Variants in LRRC4C observed in about 807,000 individuals in gnomAD.
LRRC4C encodes leucine-rich repeat-containing protein 4C.
LRRC4C carries 5 observed loss-of-function variants against 33.6 expected under a neutral mutation model. The ratio of observed to expected loss-of-function variants is 0.15; its 90% CI spans 0.08 to 0.31. The LOEUF (loss-of-function observed/expected upper bound fraction) is 0.31. LRRC4C is among the 10% of genes least tolerant of loss of function. The pLI, the probability that LRRC4C is intolerant of heterozygous loss-of-function variation, is 1.00. For synonymous variants in LRRC4C, 329 were observed against 302.0 expected, an observed-to-expected ratio of 1.09 and a Z score of -0.93; for missense variants, 560 against 796.7, an observed-to-expected ratio of 0.70 and a Z score of 3.58.
chr11:40,537,869 A>T (rs567041854), intron 3 of LRRC4C, among the ~76,000 whole-genome samples: 1 of 152,242 alleles, frequency 6.6e-6, no homozygotes, highest in East Asian at 1.9e-4. Context: ...AAAGCTAGTA[A>T]ATTCCTGAGT....
intron 2 of LRRC4C, among the ~76,000 whole-genome samples, chr11:40,716,073 C>T (rs1946698692): frequency 6.6e-6 from 1 of 151,478 alleles, no homozygotes; most frequent in Admixed American, 6.6e-5. Flanking sequence ...AACCCAGGGC[C>T]TAGAAAAAAT....
At chr11:40,511,042 C>T (rs1175140924) in intron 3 of LRRC4C, among the ~76,000 whole-genome samples, 1 of 152,066 alleles carries the variant, frequency 6.6e-6, no homozygotes, top group African/African-American at 2.4e-5. Context: ...GAGAAAAATC[C>T]TCTATTAAGC....
chr11:40,840,643 T>C (rs568787025), intron 2 of LRRC4C, among the ~76,000 whole-genome samples: 1 of 152,252 alleles, frequency 6.6e-6, no homozygotes, highest in East Asian at 1.9e-4. Context: ...GTAAAATAGG[T>C]TTTGATCAGC....
intron 1 of LRRC4C, among the ~76,000 whole-genome samples, chr11:41,410,007 T>A (rs1954401165): frequency 6.6e-6 from 1 of 152,220 alleles, no homozygotes; most frequent in Non-Finnish European, 1.5e-5. Context: ...GCTCAGAAGA[T>A]GCATGTATAT....
At chr11:40,466,300 T>C (rs556302945) in intron 3 of LRRC4C, among the ~76,000 whole-genome samples, 1 of 152,086 alleles carries the variant, frequency 6.6e-6, no homozygotes, top group East Asian at 1.9e-4. Flanking sequence ...GATGATAAAT[T>C]ACCTAATGGA....
At position 41,130,939 on chromosome 11, in the gene LRRC4C, A is replaced by G. The variant is rs141512656; in HGVS notation, c.-495-197216T>C. 5.6e-3 allele frequency among the ~76,000 whole-genome samples: 853 copies of G among 152,164 alleles called. 19 individuals are homozygous for G. Among genetic ancestry groups the G allele is most frequent in the East Asian group, 0.041 (212 of 5,176 alleles). On this transcript the variant is annotated intron_variant, in intron 1 of 6. Coordinates refer to ENST00000528697, the MANE Select transcript of LRRC4C (RefSeq NM_001258419.2). The stretch of plus-strand genomic sequence containing the variant: ...TGCACTAAGTTTGCATTTATAGAAG[A>G]GAAAAATCTTTTTTTTGCAGGTATA...
intron 3 of LRRC4C, among the ~76,000 whole-genome samples, chr11:40,539,087 G>C (rs1269420588): frequency 6.6e-6 from 1 of 152,104 alleles, no homozygotes; most frequent in African/African-American, 2.4e-5. Flanking sequence ...CCCAACAGAA[G>C]TATTGCCGAC....
intron 1 of LRRC4C, among the ~76,000 whole-genome samples, chr11:41,137,149 G>A (rs1943299774): frequency 6.6e-6 from 1 of 151,988 alleles, no homozygotes; most frequent in African/African-American, 2.4e-5. Flanking sequence ...TTGGGACACT[G>A]AGGCACAAGA....
chr11:40,241,341 C>G (rs539791026), intron 5 of LRRC4C, among the ~76,000 whole-genome samples, 178 bp downstream of exon 5: 9 of 152,196 alleles, frequency 5.9e-5, no homozygotes, highest in Admixed American at 2.6e-4. Context: ...ATAATGGCAC[C>G]ACTGCACTTC....
At chr11:40,927,229 C>A (rs1021275911) in intron 2 of LRRC4C, among the ~76,000 whole-genome samples, 2 of 151,882 alleles carry the variant, frequency 1.3e-5, no homozygotes, top group Non-Finnish European at 2.9e-5. Context: ...CAAAAATTAG[C>A]CAGGTGTGGT....
chr11:40,315,474 AATT>A (rs1459433668), intron 4 of LRRC4C, among the ~76,000 whole-genome samples: 2 of 151,966 alleles, frequency 1.3e-5, no homozygotes, highest in Non-Finnish European at 2.9e-5. Flanking sequence ...TAATATGTAA[AATT>A]ATTAATGTCA....
At chr11:40,307,455 A>G (rs1414579383) in intron 4 of LRRC4C, among the ~76,000 whole-genome samples, 2 of 152,174 alleles carry the variant, frequency 1.3e-5, no homozygotes, top group African/African-American at 2.4e-5. Context: ...TCTGCCTTGC[A>G]AATGCCTATC....
intron 1 of LRRC4C, among the ~76,000 whole-genome samples, chr11:41,158,000 A>G (rs1212367705): frequency 6.6e-6 from 1 of 151,882 alleles, no homozygotes; most frequent in East Asian, 1.9e-4. Flanking sequence ...TCATTCATTT[A>G]TTTTTGATTT....
chr11:40,450,525 TA>T (rs1221143321), intron 3 of LRRC4C, among the ~76,000 whole-genome samples: 1 of 152,098 alleles, frequency 6.6e-6, no homozygotes, highest in African/African-American at 2.4e-5. Flanking sequence ...AATTATTTTT[TA>T]AAACTGAAAT....
At chr11:40,547,931 C>T (rs773359223) in intron 3 of LRRC4C, among the ~76,000 whole-genome samples, 12 of 152,106 alleles carry the variant, frequency 7.9e-5, no homozygotes, top group Admixed American at 2.6e-4. Flanking sequence ...GTGATTGGAG[C>T]GAGCTCTGAA....
intron 4 of LRRC4C, among the ~76,000 whole-genome samples, chr11:40,276,705 G>C (rs1276592756): frequency 6.6e-6 from 1 of 151,180 alleles, no homozygotes; most frequent in Non-Finnish European, 1.5e-5. Flanking sequence ...GTGTGTGTGT[G>C]TGTGTGTGTG....
chr11:40,291,931 C>CT (rs113937225), intron 4 of LRRC4C, among the ~76,000 whole-genome samples: 2,666 of 143,784 alleles, frequency 0.019, 43 homozygotes, highest in African/African-American at 0.043. Flanking sequence ...TCTTGGGGAG[C>CT]TTTTTTTTTT....
chr11:41,389,963 A>C (rs1953524930), intron 1 of LRRC4C, among the ~76,000 whole-genome samples: 1 of 151,950 alleles, frequency 6.6e-6, no homozygotes, highest in African/African-American at 2.4e-5. Flanking sequence ...TGTCCAAGGA[A>C]GAAATGGTGC....
rs114440889 is a variant in LRRC4C, at chr11:41,423,595, T to C, written c.-496+35836A>G. Among the ~76,000 whole-genome samples the C allele has an allele frequency of 2.4e-3, 361 of 152,152 alleles. 3 individuals carry two copies. The highest frequency in any genetic ancestry group is 8.5e-3 in the African/African-American group (355 of 41,546). On this transcript the variant is annotated intron_variant, in intron 1 of 6. Coordinates refer to ENST00000528697, the MANE Select transcript of LRRC4C (RefSeq NM_001258419.2). ...TTCTGGAGACATCATAGACGACAGA[T>C]GGTTTGAGAAAGAAATGGAAGCAGT...
Sources: allele counts gnomAD v4.1 joint callset (sites outside exome capture counted in the v4.1 genomes callset), GRCh38; gene constraint gnomAD v4.1.1; transcripts MANE v1.5; gene names NCBI Gene and HGNC (gene_info 2026-07-23, HGNC 2026-07-21).